Variants in CTNNA3 observed in about 807,000 individuals in gnomAD.
The protein encoded by CTNNA3 is catenin alpha 3.
Under a neutral mutation model 95.7 loss-of-function variants are expected in CTNNA3, and 76 were observed. That is an observed-to-expected ratio of 0.79 (90% CI 0.66 to 0.96). The LOEUF (loss-of-function observed/expected upper bound fraction) is 0.96, where lower values mean the gene tolerates loss of function less well. Ranked by LOEUF, CTNNA3 falls within the 40% of genes least tolerant of loss-of-function variation. The probability of loss-of-function intolerance (pLI) is 0.00; values close to 1 mark genes in which losing one functional copy is unlikely to be tolerated. For synonymous variants in CTNNA3, 431 were observed against 374.4 expected, an observed-to-expected ratio of 1.15 and a Z score of -1.74; for missense variants, 1,191 against 1,089.8, an observed-to-expected ratio of 1.09 and a Z score of -1.31.
rs560187101 is a variant in CTNNA3 at position 66,211,232 on chromosome 10, C to T, written c.1884+69238G>A. ...CCAAGGCGTGAACATATAATGGATG[C>T]AGAGTTCCAAAGGAGGTGCTAGACT... is the stretch of plus-strand genomic sequence containing the variant. On this transcript the variant is annotated intron_variant, in intron 13 of 17. Transcript: ENST00000433211. Among the ~76,000 whole-genome samples the T allele has an allele frequency of 9.2e-5, 14 of 152,224 alleles. No individual in the cohort carries two copies. In the East Asian group the frequency reaches 2.7e-3, roughly 29 times the overall value.
chr10:66,687,789 G>A (rs76135485), intron 9 of CTNNA3, among the ~76,000 whole-genome samples: 11,578 of 151,444 alleles, frequency 0.076, 488 homozygotes, highest in Middle Eastern at 0.13. Flanking sequence ...AGAACATATG[G>A]AAGATGGTGA....
chr10:67,662,705 T>A (rs902949043), intron 1 of CTNNA3, among the ~76,000 whole-genome samples: 26 of 152,222 alleles, frequency 1.7e-4, no homozygotes, highest in African/African-American at 6.3e-4. Flanking sequence ...ACAGTTGATG[T>A]AATCAGTTGA....
chr10:66,996,950 G>C (rs1445731202), intron 7 of CTNNA3, among the ~76,000 whole-genome samples: 2 of 152,162 alleles, frequency 1.3e-5, no homozygotes, highest in East Asian at 1.9e-4. Flanking sequence ...ATTAAATCAA[G>C]AGGTTTAATA....
intron 9 of CTNNA3, among the ~76,000 whole-genome samples, chr10:66,637,347 T>C (rs1045987767): frequency 1.3e-5 from 2 of 152,230 alleles, no homozygotes; most frequent in African/African-American, 4.8e-5. Context: ...AAAGCAATGC[T>C]GCATTCAAGG....
chr10:67,421,743 G>T (rs1170564410), intron 5 of CTNNA3, among the ~76,000 whole-genome samples: 1 of 152,054 alleles, frequency 6.6e-6, no homozygotes, highest in Non-Finnish European at 1.5e-5. Flanking sequence ...TTCTGATACA[G>T]ATATTTTCTT....
At chr10:67,728,216 G>A (rs898184729) in intron 1 of CTNNA3, among the ~76,000 whole-genome samples, 8 of 148,314 alleles carry the variant, frequency 5.4e-5, no homozygotes, top group Admixed American at 4.8e-4. Context: ...CACTTTGGGA[G>A]GCCAAGGCAG....
At chr10:66,506,614 A>G (rs1840459082) in intron 11 of CTNNA3, among the ~76,000 whole-genome samples, 3 of 152,188 alleles carry the variant, frequency 2.0e-5, no homozygotes, top group Admixed American at 2.0e-4. Context: ...AATCTGATTC[A>G]TATACACCAG....
chr10:66,482,967 A>G (rs1839592706), intron 11 of CTNNA3, among the ~76,000 whole-genome samples: 1 of 152,192 alleles, frequency 6.6e-6, no homozygotes. Flanking sequence ...CCAATGGAAT[A>G]GCACTCTCAT....
intron 10 of CTNNA3, among the ~76,000 whole-genome samples, chr10:66,550,301 T>G (rs1245897251): frequency 6.6e-6 from 1 of 152,184 alleles, no homozygotes; most frequent in African/African-American, 2.4e-5. Flanking sequence ...TTTACTTACC[T>G]TCAGTCTGTC....
At chr10:66,628,425 G>A (rs1845014613) in intron 9 of CTNNA3, among the ~76,000 whole-genome samples, 1 of 152,090 alleles carries the variant, frequency 6.6e-6, no homozygotes. Context: ...AGAAAAGAAA[G>A]TCCTTAGGTT....
intron 7 of CTNNA3, among the ~76,000 whole-genome samples, chr10:66,824,852 C>A (rs2132301745): frequency 6.6e-6 from 1 of 152,176 alleles, no homozygotes; most frequent in East Asian, 1.9e-4. Context: ...AGAAAAGGGG[C>A]ATTAGGTAAA....
chr10:66,839,492 C>T (rs1564715602), intron 7 of CTNNA3, among the ~76,000 whole-genome samples: 1 of 152,028 alleles, frequency 6.6e-6, no homozygotes, highest in African/African-American at 2.4e-5. Flanking sequence ...TCCAATAAAT[C>T]TCTTATCAAA....
intron 7 of CTNNA3, among the ~76,000 whole-genome samples, chr10:66,964,384 A>G (rs1849288102): frequency 6.6e-6 from 1 of 151,726 alleles, no homozygotes; most frequent in Admixed American, 6.6e-5. Flanking sequence ...TTTCTCTCAT[A>G]CTTTAAAATT....
chr10:67,694,657 G>C (rs1840929867), intron 1 of CTNNA3, among the ~76,000 whole-genome samples: 1 of 151,918 alleles, frequency 6.6e-6, no homozygotes, highest in South Asian at 2.1e-4. Context: ...CTGTAGAATA[G>C]GTAATATTCT....
intron 3 of CTNNA3, among the ~76,000 whole-genome samples, chr10:67,598,063 T>A (rs908318890): frequency 1.3e-5 from 2 of 152,180 alleles, no homozygotes; most frequent in Admixed American, 6.5e-5. Flanking sequence ...CTCATCAGAC[T>A]GGCTCCACCC....
rs143751168 is a variant in CTNNA3 at position 66,790,888 on chromosome 10, C to G, written c.1048-15364G>C. ...ATAAGCCCAAAATCTAGAAGTTGCCCAGACTCCTGCTTATCCCTCCAATTG... is the reference window on the plus strand; with the variant it reads ...ATAAGCCCAAAATCTAGAAGTTGCCGAGACTCCTGCTTATCCCTCCAATTG... On this transcript the variant is annotated intron_variant, in intron 7 of 17. Coordinates refer to ENST00000433211, the MANE Select transcript of CTNNA3 (RefSeq NM_013266.4). Among the ~76,000 whole-genome samples the G allele has an allele frequency of 7.2e-5, 11 of 152,228 alleles. No individual in the cohort carries two copies. In the East Asian group the frequency reaches 1.2e-3, roughly 16 times the overall value.
chr10:67,112,745 C>G (rs1858974950), intron 7 of CTNNA3, among the ~76,000 whole-genome samples: 1 of 151,880 alleles, frequency 6.6e-6, no homozygotes, highest in African/African-American at 2.4e-5. Flanking sequence ...GCATAACACT[C>G]TGTATATGCA....
intron 13 of CTNNA3, among the ~76,000 whole-genome samples, chr10:66,149,791 CA>C (rs1256910056): frequency 6.5e-4 from 99 of 151,912 alleles, no homozygotes; most frequent in African/African-American, 2.3e-3. Context: ...GAGTATCATC[CA>C]TTTTTATAGT....
intron 17 of CTNNA3, among the ~76,000 whole-genome samples, chr10:65,947,564 C>T (rs1378543994): frequency 6.6e-6 from 1 of 152,192 alleles, no homozygotes; most frequent in African/African-American, 2.4e-5. Flanking sequence ...CTATTCTTCC[C>T]TTTCCTTGTA....
Sources: gnomAD v4.1 joint callset for allele counts (sites outside exome capture counted in the v4.1 genomes callset) on GRCh38, gnomAD v4.1.1 for gene constraint, MANE v1.5 for transcripts, NCBI Gene and HGNC (gene_info 2026-07-23, HGNC 2026-07-21) for gene names.